Variants in QPCT observed in about 807,000 individuals in gnomAD.
QPCT encodes the protein EC.
In QPCT, 44 loss-of-function variants were observed where a neutral mutation model predicts 43.4. That is an observed-to-expected ratio of 1.01 (90% CI 0.80 to 1.30). QPCT has a LOEUF of 1.30. Among genes scored for constraint, QPCT ranks in the 50% most tolerant of loss-of-function variants. The probability of loss-of-function intolerance (pLI) is 0.00; values close to 1 mark genes in which losing one functional copy is unlikely to be tolerated. For synonymous variants in QPCT, 168 were observed against 168.4 expected (o/e 1.00, Z 0.02); for missense variants, 526 against 436.5 (o/e 1.21, Z -1.83).
intron 5 of QPCT, among the ~76,000 whole-genome samples, chr2:37,371,412 C>T (rs529584462): frequency 5.9e-5 from 7 of 118,824 alleles, no homozygotes; most frequent in Admixed American, 4.6e-4. Context: ...CCAGCCTGGG[C>T]GACAGCGAGA....
chr2:37,369,792 C>T lies in QPCT; in HGVS notation c.823+8C>T, dbSNP rs760913551. 2 of 1,540,008 alleles carry T rather than the reference C, an allele frequency of 1.3e-6. No individual in the cohort carries two copies. Among genetic ancestry groups the T allele is most frequent in the African/African-American group, 2.7e-5 (2 of 73,146 alleles). ...AAAGACTTCAAGCAATTGGTAAGCA[C>T]CACTGTTATTAATGAATAAAACATC... On this transcript the variant is annotated splice_region_variant and intron_variant, in intron 5 of 6. Coordinates refer to ENST00000338415, the MANE Select transcript of QPCT (RefSeq NM_012413.4).
intron 3 of QPCT, among the ~76,000 whole-genome samples, chr2:37,365,306 G>C (rs1210536352): frequency 6.6e-6 from 1 of 152,124 alleles, no homozygotes; most frequent in African/African-American, 2.4e-5. Flanking sequence ...AGCAAGTGTA[G>C]CCAGGAGGGA....
chr2:37,367,482 A>G (rs1174620345), intron 4 of QPCT, 74 bp downstream of exon 4: 1 of 1,428,090 alleles, frequency 7.0e-7, no homozygotes, highest in African/African-American at 1.4e-5. Flanking sequence ...AAAGCCAAGT[A>G]AAGACCTAAA....
In QPCT at chr2:37,362,904, G is replaced by A. The variant is rs73924614; in HGVS notation, c.546+3046G>A. ...CCCACCCCACACCAGGCAGGTAAGT[G>A]AGTGCCCCCTTGTGCCTTTGCCACA... On this transcript the variant is annotated intron_variant, in intron 3 of 6. Coordinates refer to ENST00000338415, the MANE Select transcript of QPCT (RefSeq NM_012413.4). Among the ~76,000 whole-genome samples the A allele has an allele frequency of 2.3e-3, 355 of 152,274 alleles. 2 individuals are homozygous for A. Among genetic ancestry groups the A allele is most frequent in the African/African-American group, 8.0e-3 (332 of 41,492 alleles).
Position 37,372,436 on chromosome 2 carries a change from G to T in QPCT, c.904G>T (p.Val302Leu). Residue 302 changes from valine (V) to leucine (L), a missense_variant, in exon 6 of 7, where the codon GTG (valine) becomes TTG (leucine). Val to Leu is a conservative substitution (Grantham distance 32, BLOSUM62 1). Transcript: ENST00000338415. ...TTTCCAGAATTACAGTTATGGAGGTGTGATTCAGGATGACCATATTCCATT... is the reference window on the plus strand; with the variant it reads ...TTTCCAGAATTACAGTTATGGAGGTTTGATTCAGGATGACCATATTCCATT... ...RYFQNYSYGG[V>L]IQDDHIPFLR... The T allele has an allele frequency of 6.2e-7, 1 of 1,614,040 alleles. No homozygotes were observed. The highest frequency in any genetic ancestry group is 8.5e-7 in the Non-Finnish European group (1 of 1,179,910).
intron 3 of QPCT, among the ~76,000 whole-genome samples, chr2:37,362,383 T>C (rs1558605021): frequency 6.6e-6 from 1 of 152,246 alleles, no homozygotes; most frequent in East Asian, 1.9e-4. Context: ...AATTATTTAA[T>C]GCTTATTAAA....
At chr2:37,363,821 A>G (rs887164783) in intron 3 of QPCT, among the ~76,000 whole-genome samples, 2 of 152,136 alleles carry the variant, frequency 1.3e-5, no homozygotes, top group African/African-American at 2.4e-5. Flanking sequence ...GAATGCTGCA[A>G]TAACAGAACA....
intron 3 of QPCT, among the ~76,000 whole-genome samples, chr2:37,362,544 CA>C (rs2124939254): frequency 6.6e-6 from 1 of 152,252 alleles, no homozygotes; most frequent in African/African-American, 2.4e-5. Flanking sequence ...AGTTAGTTTT[CA>C]GATGATAAAG....
intron 1 of QPCT, among the ~76,000 whole-genome samples, chr2:37,349,723 A>G (rs1460342265): frequency 1.3e-5 from 2 of 152,230 alleles, no homozygotes; most frequent in East Asian, 1.9e-4. Flanking sequence ...GCAAAGCCCA[A>G]TAACATTGAA....
At chr2:37,365,256 GC>G (rs1256406428) in intron 3 of QPCT, among the ~76,000 whole-genome samples, 3 of 152,100 alleles carry the variant, frequency 2.0e-5, no homozygotes, top group African/African-American at 7.2e-5. Context: ...AGCCATTAGT[GC>G]TAAGGTAGGA....
At chr2:37,367,525 T>C (rs1672986612) in intron 4 of QPCT, 117 bp downstream of exon 4, 1 of 1,025,562 alleles carries the variant, frequency 9.8e-7, no homozygotes, top group African/African-American at 1.6e-5. Context: ...ACAGTGTTTA[T>C]GATAGAACAT....
At chr2:37,345,830 C>T (rs1260172276) in intron 1 of QPCT, among the ~76,000 whole-genome samples, 2 of 128,988 alleles carry the variant, frequency 1.6e-5, no homozygotes, top group African/African-American at 2.8e-5. Context: ...AGCGAGACTC[C>T]GTCTCAAAAA....
chr2:37,368,612 C>T (rs1673011428), intron 4 of QPCT: 1 of 471,196 alleles, frequency 2.1e-6, no homozygotes, highest in South Asian at 1.5e-5. Flanking sequence ...GGCATTTGCT[C>T]TCCCTCCTGT....
intron 1 of QPCT, among the ~76,000 whole-genome samples, chr2:37,349,388 T>G (rs532343243): frequency 6.6e-6 from 1 of 152,350 alleles, no homozygotes; most frequent in African/African-American, 2.4e-5. Context: ...TTAGGTTTCA[T>G]CTGCAGTATC....
Position 37,372,883 on chromosome 2 carries a change from A to G in QPCT, c.*56A>G, listed in dbSNP as rs1673112321. Reference sequence around the variant, plus strand: ...TAGAATTGAATTCAAAAGTCAAGGCATCATTTAAAATAATCTGATTTCAGA... The same window carrying G: ...TAGAATTGAATTCAAAAGTCAAGGCGTCATTTAAAATAATCTGATTTCAGA... On this transcript the variant is annotated 3_prime_UTR_variant, in exon 7 of 7. Transcript: ENST00000338415. 4 of 1,444,402 alleles carry G rather than the reference A, an allele frequency of 2.8e-6. No homozygotes were observed. In the Admixed American group the frequency reaches 6.2e-5, roughly 22 times the overall value. The allele number at this position is 1,444,402 out of a possible 1,614,324, so 89.5% of individuals were successfully genotyped here.
At chr2:37,349,312 G>A (rs1170207743) in intron 1 of QPCT, among the ~76,000 whole-genome samples, 1 of 152,216 alleles carries the variant, frequency 6.6e-6, no homozygotes, top group Non-Finnish European at 1.5e-5. Flanking sequence ...GCATCAATAG[G>A]CCTGGCCTGT....
intron 2 of QPCT, among the ~76,000 whole-genome samples, chr2:37,353,818 C>T (rs1370079376): frequency 6.6e-6 from 1 of 152,230 alleles, no homozygotes; most frequent in Non-Finnish European, 1.5e-5. Flanking sequence ...ACCTTGGCAC[C>T]CACTGCTGTG....
In QPCT at chr2:37,372,468, A is replaced by AAGAGGTAATGT; in HGVS notation, c.937_940+7dup. On this transcript the variant is annotated frameshift_variant, in exon 6 of 7. Transcript: ENST00000338415. LOFTEE classifies it high-confidence loss of function. The stretch of plus-strand genomic sequence containing the variant: ...AGGATGACCATATTCCATTTTTAAG[A>AAGAGGTAATGT]AGAGGTAATGTGTGTGTGTGTGTGT... The AAGAGGTAATGT allele has an allele frequency of 6.2e-7, 1 of 1,609,390 alleles. No homozygotes were observed. Among genetic ancestry groups the AAGAGGTAATGT allele is most frequent in the Non-Finnish European group, 8.5e-7 (1 of 1,175,818 alleles).
rs965803395 is a variant in QPCT, at chr2:37,360,094, G to A, written c.546+236G>A. ...GGCACCTGATTTATCAGCCTTGAAT[G>A]CACATTAAATTAAATGCAACATTTC... On this transcript the variant is annotated intron_variant, in intron 3 of 6. Coordinates refer to ENST00000338415, the MANE Select transcript of QPCT (RefSeq NM_012413.4). 4 of 510,238 alleles carry A rather than the reference G, an allele frequency of 7.8e-6. No homozygotes were observed. In the East Asian group the frequency reaches 1.0e-4, roughly 13 times the overall value. The allele number at this position is 510,238 out of a possible 1,614,324, so 31.6% of individuals were successfully genotyped here. A position where few individuals can be genotyped will look rare whatever the true frequency, so the allele number is the denominator to read the frequency against.
Sources: allele counts gnomAD v4.1 joint callset (sites outside exome capture counted in the v4.1 genomes callset), GRCh38; gene constraint gnomAD v4.1.1; transcripts MANE v1.5; gene names NCBI Gene and HGNC (gene_info 2026-07-23, HGNC 2026-07-21).